UBR3: variants seen among roughly 807,000 people sequenced by gnomAD.
The protein encoded by UBR3 is ubiquitin protein ligase E3 component n-recognin 3, also known as E3 ubiquitin-protein ligase UBR3.
UBR3 carries 85 observed loss-of-function variants against 243.2 expected under a neutral mutation model. The ratio of observed to expected loss-of-function variants is 0.35; its 90% CI spans 0.29 to 0.42. The LOEUF is 0.42. UBR3 is among the 10% of genes least tolerant of loss of function. The pLI, the probability that UBR3 is intolerant of heterozygous loss-of-function variation, is 1.00. For synonymous variants in UBR3, 748 were observed against 799.8 expected (o/e 0.94, Z 1.09); for missense variants, 1,686 against 2,300.8 (o/e 0.73, Z 5.47).
intron 35 of UBR3, among the ~76,000 whole-genome samples, chr2:170,068,467 CA>C (rs1389101711): frequency 1.3e-5 from 2 of 151,158 alleles, no homozygotes; most frequent in African/African-American, 4.9e-5. Context: ...GACCCTGTCT[CA>C]AAAAAATTAA....
chr2:169,882,673 G>A (rs1443387429), intron 5 of UBR3, among the ~76,000 whole-genome samples: 1 of 151,494 alleles, frequency 6.6e-6, no homozygotes, highest in Non-Finnish European at 1.5e-5. Flanking sequence ...CCTGGAGGCA[G>A]AAGTTGCAGA....
chr2:169,833,119 A>T (rs991245671), intron 1 of UBR3, among the ~76,000 whole-genome samples: 13 of 152,176 alleles, frequency 8.5e-5, no homozygotes, highest in Non-Finnish European at 1.8e-4. Flanking sequence ...CCCTTCATGT[A>T]TGTGAGTGTC....
intron 5 of UBR3, among the ~76,000 whole-genome samples, chr2:169,885,525 C>T (rs1288155597): frequency 6.6e-6 from 1 of 152,050 alleles, no homozygotes; most frequent in African/African-American, 2.4e-5. Flanking sequence ...TTGAAGTAAA[C>T]TGACATTGTG....
chr2:170,065,728 G>A (rs1179300602), intron 35 of UBR3, among the ~76,000 whole-genome samples: 1 of 151,880 alleles, frequency 6.6e-6, no homozygotes, highest in Non-Finnish European at 1.5e-5. Flanking sequence ...AAATACCATT[G>A]ATTTTTATAT....
chr2:169,982,006 A>G (rs1009550324), intron 24 of UBR3, among the ~76,000 whole-genome samples: 1 of 152,190 alleles, frequency 6.6e-6, no homozygotes, highest in African/African-American at 2.4e-5. Context: ...AGCAGAAATC[A>G]GGGAACTCTG....
chr2:169,972,120 A>T (rs1247962746), intron 24 of UBR3, among the ~76,000 whole-genome samples: 1 of 152,238 alleles, frequency 6.6e-6, no homozygotes, highest in Non-Finnish European at 1.5e-5. Context: ...AACTACCATC[A>T]GAGAATACTA....
intron 20 of UBR3, 87 bp downstream of exon 20, chr2:169,942,721 C>A: frequency 2.3e-6 from 3 of 1,278,670 alleles, no homozygotes; most frequent in Non-Finnish European, 2.0e-6. Context: ...ATAAAAGTAC[C>A]ACTTATAAAG....
intron 23 of UBR3, among the ~76,000 whole-genome samples, chr2:169,957,742 GA>G (rs896226709): frequency 6.6e-5 from 10 of 151,420 alleles, no homozygotes; most frequent in South Asian, 2.1e-4. Flanking sequence ...GCTACAAAAA[GA>G]AAAAAAATAT....
chr2:169,928,732 A>G lies in UBR3; in HGVS notation c.2430A>G (p.Pro810=), dbSNP rs1435836333. The change falls in exon 18 of 39, where the codon CCA becomes CCG. Residue 810 remains proline (P), a synonymous_variant. Transcript: ENST00000272793. ...RTHSSLLDLI[P]ENPNPKSGII... ...TTTCTTGACATATATATCATATTCC[A>G]GAAAATCCTAATCCCAAAAGTGGCA... 22 of 1,484,034 alleles carry G rather than the reference A, an allele frequency of 1.5e-5. No homozygotes were observed. Among genetic ancestry groups the G allele is most frequent in the Non-Finnish European group, 1.7e-5 (19 of 1,099,842 alleles). 91.9% of individuals were successfully genotyped at this position (1,484,034 alleles called of 1,614,324 possible).
intron 35 of UBR3, among the ~76,000 whole-genome samples, chr2:170,063,191 G>A (rs1203729388): frequency 1.3e-5 from 2 of 152,158 alleles, no homozygotes; most frequent in African/African-American, 2.4e-5. Flanking sequence ...GTGACAACTA[G>A]TTGAATGTGT....
At chr2:170,078,446 C>T (rs375656278) in intron 36 of UBR3, among the ~76,000 whole-genome samples, 1 of 152,220 alleles carries the variant, frequency 6.6e-6, no homozygotes, top group Non-Finnish European at 1.5e-5. Flanking sequence ...ATACTTTCCA[C>T]CTCTTGTTTC....
At position 169,949,667 on chromosome 2, in the gene UBR3, C is replaced by G. The variant is rs2086930072; in HGVS notation, c.3147C>G (p.Ile1049Met). 1 of 1,550,982 alleles carries G rather than the reference C, an allele frequency of 6.4e-7. No individual in the cohort carries two copies. The highest frequency in any genetic ancestry group is 2.4e-5 in the East Asian group (1 of 40,898). ...VAERRKKFQE[I>M]INRSSSEANQ... ...AACGTAGAAAGAAATTTCAGGAAAT[C>G]ATCAATCGCAGTAGCAGTGAAGCAA... The change falls in exon 23 of 39, where the codon ATC becomes ATG. Residue 1049 changes from isoleucine to methionine, a missense_variant. Physicochemically the swap from Ile to Met is conservative, Grantham distance 10. Transcript: ENST00000272793.
chr2:170,051,050 A>G (rs1054958500), intron 32 of UBR3, among the ~76,000 whole-genome samples: 2 of 152,212 alleles, frequency 1.3e-5, no homozygotes, highest in African/African-American at 4.8e-5. Flanking sequence ...TAAATGTTAT[A>G]TAAATAGTTG....
At position 169,905,298 on chromosome 2, in the gene UBR3, G is replaced by A; in HGVS notation, c.1645+5G>A. The stretch of plus-strand genomic sequence containing the variant: ...ACTTTGTATCTTTCTTTCAAGGTAT[G>A]AATTTTATCCCTTTGTTAATTTTTT... On this transcript the variant is annotated splice_donor_5th_base_variant and intron_variant, in intron 9 of 38. Coordinates refer to ENST00000272793, the MANE Select transcript of UBR3 (RefSeq NM_172070.4). 3 of 1,485,628 alleles carry A rather than the reference G, an allele frequency of 2.0e-6. No homozygotes were observed. The highest frequency in any genetic ancestry group is 5.1e-5 in the East Asian group (2 of 39,276). 92.0% of individuals were successfully genotyped at this position (1,485,628 alleles called of 1,614,324 possible). A position where few individuals can be genotyped will look rare whatever the true frequency, so the allele number is the denominator to read the frequency against.
chr2:169,964,406 A>G (rs1389219311), intron 24 of UBR3: 1 of 470,350 alleles, frequency 2.1e-6, no homozygotes, highest in Non-Finnish European at 4.4e-6. Flanking sequence ...GACAAAACAA[A>G]AACAATTTTC....
At chr2:170,066,027 G>T (rs2091560909) in intron 35 of UBR3, among the ~76,000 whole-genome samples, 1 of 149,696 alleles carries the variant, frequency 6.7e-6, no homozygotes. Context: ...TGTTTTCTAT[G>T]TGTCGCTAAA....
chr2:169,950,097 G>A lies in UBR3; in HGVS notation c.3545+32G>A, dbSNP rs2086953473. On this transcript the variant is annotated intron_variant, in intron 23 of 38. Coordinates refer to ENST00000272793, the MANE Select transcript of UBR3 (RefSeq NM_172070.4). ...TTTATTTTTAATGTTTTAAACGTGT[G>A]TATAGTTGAAAATTTGATATTTTCT... 4 of 1,504,992 alleles carry A rather than the reference G, an allele frequency of 2.7e-6. No individual in the cohort carries two copies. The East Asian group carries it at 6.8e-5, about 26-fold the overall frequency. The allele number at this position is 1,504,992 out of a possible 1,614,324, so 93.2% of individuals were successfully genotyped here. A position where few individuals can be genotyped will look rare whatever the true frequency, so the allele number is the denominator to read the frequency against.
chr2:170,064,873 C>T (rs530913305), intron 35 of UBR3, among the ~76,000 whole-genome samples: 4 of 143,034 alleles, frequency 2.8e-5, no homozygotes, highest in South Asian at 2.2e-4. Context: ...GACAGAGACT[C>T]GCTTTGTCGC....
At chr2:170,045,866 AT>A (rs2091071965) in intron 32 of UBR3, among the ~76,000 whole-genome samples, 1 of 152,206 alleles carries the variant, frequency 6.6e-6, no homozygotes, top group African/African-American at 2.4e-5. Flanking sequence ...TCTTAAAATA[AT>A]TTTAAAAAAT....
Sources: allele counts gnomAD v4.1 joint callset (sites outside exome capture counted in the v4.1 genomes callset), GRCh38; gene constraint gnomAD v4.1.1; transcripts MANE v1.5; gene names NCBI Gene and HGNC (gene_info 2026-07-23, HGNC 2026-07-21).